The following ZNF248 variants were observed in gnomAD, a reference collection of about 807,000 sequenced individuals.
ZNF248 encodes the protein zinc finger protein 248.
A neutral mutation model predicts 44.3 loss-of-function variants in ZNF248; 20 were observed. The observed-to-expected ratio is 0.45, with a 90% CI of 0.32 to 0.66. The LOEUF (loss-of-function observed/expected upper bound fraction) is 0.66. ZNF248 is among the 30% of genes least tolerant of loss of function. ZNF248 has a pLI of 0.04. For synonymous variants in ZNF248, 224 were observed against 229.0 expected, an observed-to-expected ratio of 0.98 and a Z score of 0.20; for missense variants, 654 against 677.0, an observed-to-expected ratio of 0.97 and a Z score of 0.38.
At chr10:37,797,389 A>ATT (rs2049280053) in intron 6 of ZNF248, among the ~76,000 whole-genome samples, 1 of 152,130 alleles carries the variant, frequency 6.6e-6, no homozygotes, top group African/African-American at 2.4e-5. Flanking sequence ...TTAATTTTAG[A>ATT]TTAGGTAGTG....
intron 3 of ZNF248, among the ~76,000 whole-genome samples, chr10:37,841,143 C>T (rs1217495402): frequency 6.6e-6 from 1 of 152,136 alleles, no homozygotes; most frequent in Non-Finnish European, 1.5e-5. Flanking sequence ...AATAATCCCT[C>T]TCTAGAAGCT....
At chr10:37,760,621 G>A in the ZNF248 span, among the ~76,000 whole-genome samples, 1 of 152,152 alleles carries the variant, frequency 6.6e-6, no homozygotes, top group Non-Finnish European at 1.5e-5. Context: ...GGATCACAAG[G>A]TCAGCAGCTC....
At chr10:37,841,753 C>A (rs575913585) in intron 3 of ZNF248, among the ~76,000 whole-genome samples, 63 of 152,306 alleles carry the variant, frequency 4.1e-4, no homozygotes, top group African/African-American at 1.4e-3. Flanking sequence ...ATAGCATTTT[C>A]CCTTGATAGG....
intron 6 of ZNF248, among the ~76,000 whole-genome samples, chr10:37,814,246 C>T (rs2052050718): frequency 6.6e-6 from 1 of 151,662 alleles, no homozygotes; most frequent in South Asian, 2.1e-4. Flanking sequence ...TTTATACTAG[C>T]TTAACCTCAA....
At chr10:37,767,680 G>A in the ZNF248 span, among the ~76,000 whole-genome samples, 3 of 152,250 alleles carry the variant, frequency 2.0e-5, no homozygotes, top group South Asian at 4.2e-4. Flanking sequence ...ATGCCAAAAT[G>A]TAAAGACCAA....
the ZNF248 span, among the ~76,000 whole-genome samples, chr10:37,766,455 T>A: frequency 1.3e-5 from 2 of 152,082 alleles, no homozygotes; most frequent in African/African-American, 4.8e-5. Context: ...TTCACCAAGA[T>A]CCGCTGTTCT....
intron 3 of ZNF248, among the ~76,000 whole-genome samples, chr10:37,851,826 G>A (rs2060304252): frequency 7.3e-6 from 1 of 136,790 alleles, no homozygotes; most frequent in South Asian, 2.3e-4. Flanking sequence ...GGCAAGGATA[G>A]AGAGAAACTG....
In ZNF248 at chr10:37,831,720, C is replaced by G. The variant is rs1274020676; in HGVS notation, c.1635G>C (p.Glu545Asp). 1.2e-6 allele frequency: 2 copies of G among 1,613,048 alleles called. No individual in the cohort carries two copies. Among genetic ancestry groups the G allele is most frequent in the African/African-American group, 2.7e-5 (2 of 74,900 alleles). Residue 545 changes from glutamate to aspartate, a missense_variant, in exon 6 of 6, where the codon GAG becomes GAC. By Grantham distance (45) the Glu-to-Asp change is conservative (BLOSUM62 2). Transcript: ENST00000395867. ...CACATGCATTACACTCATACGGCTT[C>G]TCCCCTGTGTGAGTCCTCTGATGTT... ...LTKHQRTHTG[E>D]KPYECNACGK... is the part of the protein sequence containing the mutation.
At chr10:37,771,119 A>G in the ZNF248 span, among the ~76,000 whole-genome samples, 58 of 152,316 alleles carry the variant, frequency 3.8e-4, no homozygotes, top group African/African-American at 1.3e-3. Context: ...AAGTCAGGAA[A>G]CAACAGGTGC....
intron 3 of ZNF248, among the ~76,000 whole-genome samples, chr10:37,846,926 T>G (rs1316889633): frequency 6.6e-6 from 1 of 152,198 alleles, no homozygotes; most frequent in Non-Finnish European, 1.5e-5. Context: ...TTCAACCATA[T>G]TTGAATTCTG....
chr10:37,830,183 G>A lies in ZNF248; in HGVS notation c.*1432C>T, dbSNP rs187291154. On this transcript the variant is annotated 3_prime_UTR_variant, in exon 6 of 6. Transcript: ENST00000395867. The stretch of plus-strand genomic sequence containing the variant: ...ACCGCCACTTTTTGAGGAGTGCAGT[G>A]TTACTGCTTGTTAACCTTTGCATAA... The A allele has an allele frequency of 1.3e-5, 13 of 985,362 alleles. No homozygotes were observed. Among genetic ancestry groups the A allele is most frequent in the Middle Eastern group, 5.2e-4 (1 of 1,914 alleles). The allele number at this position is 985,362 out of a possible 1,614,324, so 61.0% of individuals were successfully genotyped here. A position where few individuals can be genotyped will look rare whatever the true frequency, so the allele number is the denominator to read the frequency against.
At chr10:37,820,618 T>C in intron 6 of ZNF248, 1 of 1,568,186 alleles carries the variant, frequency 6.4e-7, no homozygotes, top group South Asian at 1.1e-5. Flanking sequence ...CAGCAGTGCC[T>C]TTCCCTTGGC....
intron 6 of ZNF248, among the ~76,000 whole-genome samples, chr10:37,784,542 TTAC>T (rs2047666949): frequency 6.6e-6 from 1 of 152,202 alleles, no homozygotes; most frequent in Non-Finnish European, 1.5e-5. Context: ...AATTGTGCTT[TTAC>T]TAGAAAAAAT....
intron 3 of ZNF248, among the ~76,000 whole-genome samples, chr10:37,850,916 A>T (rs1263547709): frequency 6.6e-6 from 1 of 152,174 alleles, no homozygotes; most frequent in East Asian, 1.9e-4. Flanking sequence ...AAGACTTGAT[A>T]ACAAAAGCAT....
chr10:37,831,978 T>A lies in ZNF248; in HGVS notation c.1377A>T (p.Thr459=). ...SNLTEHQRTH[T]GEKPYECNAC... ...CATTACATTCATAGGGCTTCTCCCC[T>A]GTGTGTGTTCTCTGATGTTCAGTGA... The change falls in exon 6 of 6, where the codon ACA becomes ACT. Residue 459 remains threonine (T), a synonymous_variant. Coordinates refer to ENST00000395867, the MANE Select transcript of ZNF248 (RefSeq NM_021045.3). The A allele has an allele frequency of 6.2e-7, 1 of 1,614,102 alleles. No individual in the cohort carries two copies. The highest frequency in any genetic ancestry group is 1.1e-5 in the South Asian group (1 of 91,090).
At chr10:37,806,201 C>A (rs969095429) in intron 6 of ZNF248, among the ~76,000 whole-genome samples, 1 of 152,108 alleles carries the variant, frequency 6.6e-6, no homozygotes, top group Non-Finnish European at 1.5e-5. Flanking sequence ...ACTCTGCTTT[C>A]AATTATTTTG....
rs961227915 is a variant in ZNF248 at position 37,830,336 on chromosome 10, T to A, written c.*1279A>T. On this transcript the variant is annotated 3_prime_UTR_variant, in exon 6 of 6. Transcript: ENST00000395867. ...GATAGTTCAATAATGGCCATATTCA[T>A]GCATATATGCCAGGAAACAGTCAGA... 1 of 985,274 alleles carries A rather than the reference T, an allele frequency of 1.0e-6. No individual in the cohort carries two copies. Among genetic ancestry groups the A allele is most frequent in the Non-Finnish European group, 1.2e-6 (1 of 829,926 alleles). The allele number at this position is 985,274 out of a possible 1,614,324, so 61.0% of individuals were successfully genotyped here. A position where few individuals can be genotyped will look rare whatever the true frequency, so the allele number is the denominator to read the frequency against.
chr10:37,856,510 T>C lies in ZNF248; in HGVS notation c.-103A>G, dbSNP rs753244883. The C allele has an allele frequency of 5.8e-5, 72 of 1,232,528 alleles. No homozygotes were observed. The Middle Eastern group carries it at 9.5e-4, about 16-fold the overall frequency. 76.3% of individuals were successfully genotyped at this position (1,232,528 alleles called of 1,614,324 possible). On this transcript the variant is annotated 5_prime_UTR_variant, in exon 2 of 6. Coordinates refer to ENST00000395867, the MANE Select transcript of ZNF248 (RefSeq NM_021045.3). ...ACTGAGTGAATGTAAATATTTCTTATTGATTTATTACCAATTTAGGTTCTG... is the reference window on the plus strand; with the variant it reads ...ACTGAGTGAATGTAAATATTTCTTACTGATTTATTACCAATTTAGGTTCTG...
At chr10:37,766,943 C>T in the ZNF248 span, among the ~76,000 whole-genome samples, 21 of 152,280 alleles carry the variant, frequency 1.4e-4, no homozygotes, top group East Asian at 2.9e-3. Context: ...GCTGATGGAG[C>T]TGAAAGCCAA....
Sources: gnomAD v4.1 joint callset for allele counts (sites outside exome capture counted in the v4.1 genomes callset) on GRCh38, gnomAD v4.1.1 for gene constraint, MANE v1.5 for transcripts, NCBI Gene and HGNC (gene_info 2026-07-23, HGNC 2026-07-21) for gene names.